GPC3: variants seen among roughly 807,000 people sequenced by gnomAD.
GPC3 encodes the protein glypican-3.
In GPC3, 3 loss-of-function variants were observed where a neutral mutation model predicts 34.4. The observed-to-expected ratio is 0.09, with a 90% CI of 0.04 to 0.23. The LOEUF is 0.23. Among genes scored for constraint, GPC3 ranks in the 10% least tolerant of loss-of-function variants. The pLI is 1.00. For missense variants in GPC3, 351 were observed against 445.6 expected (o/e 0.79, Z 1.91); for synonymous variants, 177 against 174.0 (o/e 1.02, Z -0.13).
At chrX:133,742,978 A>AC (rs771672255) in intron 3 of GPC3, among the ~76,000 whole-genome samples, 21 of 111,775 alleles carry the variant, frequency 1.9e-4, no homozygotes, top group African/African-American at 5.8e-4. Flanking sequence ...CCCTCCCCTC[A>AC]CCCCCCGTAT....
intron 2 of GPC3, among the ~76,000 whole-genome samples, chrX:133,757,138 A>G (rs2071733325): frequency 8.9e-6 from 1 of 112,501 alleles, no homozygotes; most frequent in South Asian, 3.7e-4. Flanking sequence ...CAGAGCTATC[A>G]TGAACATTTT....
At chrX:133,729,090 G>A (rs1458330827) in intron 3 of GPC3, among the ~76,000 whole-genome samples, 4 of 110,940 alleles carry the variant, frequency 3.6e-5, no homozygotes, top group Non-Finnish European at 7.5e-5. Flanking sequence ...TCCAGTGTGG[G>A]AGGCCTGACT....
At chrX:133,593,580 G>A (rs6638111) in intron 7 of GPC3, among the ~76,000 whole-genome samples, 1 of 109,781 alleles carries the variant, frequency 9.1e-6, no homozygotes, top group African/African-American at 3.3e-5. Flanking sequence ...AAGGCATGAA[G>A]ACAGCTGAGC....
chrX:133,838,012 A>C (rs2075807446), intron 2 of GPC3, among the ~76,000 whole-genome samples: 1 of 112,182 alleles, frequency 8.9e-6, no homozygotes, highest in African/African-American at 3.2e-5. Context: ...TGTTACTTCC[A>C]CTCCAAAAAA....
intron 2 of GPC3, among the ~76,000 whole-genome samples, chrX:133,899,505 G>A (rs972357921): frequency 4.5e-5 from 5 of 111,591 alleles, no homozygotes; most frequent in Non-Finnish European, 9.4e-5. Flanking sequence ...TGGTCAAAGC[G>A]TCTCTTCCTC....
At chrX:133,841,236 T>TTTTTTTTTTTTTTTTTTTC in intron 2 of GPC3, among the ~76,000 whole-genome samples, 1 of 89,970 alleles carries the variant, frequency 1.1e-5, no homozygotes, top group Non-Finnish European at 2.2e-5. Context: ...TTTTTTTTTT[T>TTTTTTTTTTTTTTTTTTTC]TTGGTAGAGA....
chrX:133,812,382 T>G (rs760073024), intron 2 of GPC3, among the ~76,000 whole-genome samples: 1 of 112,127 alleles, frequency 8.9e-6, no homozygotes, highest in African/African-American at 3.2e-5. Flanking sequence ...GTCACTGCAG[T>G]TGATTCAGGC....
intron 3 of GPC3, among the ~76,000 whole-genome samples, chrX:133,713,891 T>C (rs939179374): frequency 1.8e-5 from 2 of 111,982 alleles, no homozygotes; most frequent in Admixed American, 9.5e-5. Flanking sequence ...AGTTTTGACG[T>C]TATATAATGA....
chrX:133,969,478 T>C (rs753308640), intron 1 of GPC3, among the ~76,000 whole-genome samples: 1 of 112,159 alleles, frequency 8.9e-6, no homozygotes, highest in African/African-American at 3.2e-5. Flanking sequence ...AAAAAAGTTT[T>C]CATTATTGTC....
chrX:133,743,950 G>A (rs2071587451), intron 3 of GPC3, among the ~76,000 whole-genome samples: 1 of 111,553 alleles, frequency 9.0e-6, no homozygotes, highest in South Asian at 3.8e-4. Flanking sequence ...TCGGAAAACT[G>A]GCTAGCCATA....
rs776365591 is a variant in GPC3, at chrX:133,729,294, C to A, written c.1032+24188G>T. On this transcript the variant is annotated intron_variant, in intron 3 of 7. Coordinates refer to ENST00000370818, the MANE Select transcript of GPC3 (RefSeq NM_004484.4). ...GGAGTAAAAAGGACCCTATTCCCTCCATTATTCCTCAGTCTCCACCCAAGC... is the reference window on the plus strand; with the variant it reads ...GGAGTAAAAAGGACCCTATTCCCTCAATTATTCCTCAGTCTCCACCCAAGC... Among the ~76,000 whole-genome samples, 6 of 111,567 alleles carry A rather than the reference C, an allele frequency of 5.4e-5. No homozygotes were observed. In the South Asian group the frequency reaches 2.3e-3, roughly 43 times the overall value.
At chrX:133,620,579 C>G (rs1029286042) in intron 6 of GPC3, among the ~76,000 whole-genome samples, 5 of 111,220 alleles carry the variant, frequency 4.5e-5, no homozygotes, top group African/African-American at 1.6e-4. Flanking sequence ...CCAAAGTTAA[C>G]CTGGAAAAAC....
At chrX:133,772,884 G>A (rs1389902696) in intron 2 of GPC3, among the ~76,000 whole-genome samples, 1 of 110,997 alleles carries the variant, frequency 9.0e-6, no homozygotes, top group Non-Finnish European at 1.9e-5. Flanking sequence ...CACACAACAA[G>A]TAAGTGGTGC....
chrX:133,629,341 C>T (rs371450461), intron 6 of GPC3, among the ~76,000 whole-genome samples: 1 of 111,719 alleles, frequency 9.0e-6, no homozygotes, highest in African/African-American at 3.3e-5. Context: ...AGGAGTTGGA[C>T]TACATGAGCT....
chrX:133,823,636 A>G (rs1325027896), intron 2 of GPC3, among the ~76,000 whole-genome samples: 3 of 111,543 alleles, frequency 2.7e-5, no homozygotes, highest in Non-Finnish European at 5.6e-5. Flanking sequence ...AGGGGGATGG[A>G]AAGGGGACTT....
intron 6 of GPC3, among the ~76,000 whole-genome samples, chrX:133,619,145 C>T (rs1475148547): frequency 8.9e-6 from 1 of 112,173 alleles, no homozygotes; most frequent in African/African-American, 3.2e-5. Flanking sequence ...TATTTCACAA[C>T]CACTTAGATG....
chrX:133,859,390 T>C (rs2075924606), intron 2 of GPC3, among the ~76,000 whole-genome samples: 1 of 111,100 alleles, frequency 9.0e-6, no homozygotes, highest in South Asian at 3.8e-4. Flanking sequence ...AATTCCAGAC[T>C]AAAATTCCCA....
intron 6 of GPC3, among the ~76,000 whole-genome samples, chrX:133,631,533 A>G (rs2070366254): frequency 8.9e-6 from 1 of 111,909 alleles, no homozygotes; most frequent in African/African-American, 3.2e-5. Flanking sequence ...TTATGCCAAT[A>G]ACTTTTGGCT....
intron 2 of GPC3, among the ~76,000 whole-genome samples, chrX:133,951,279 T>C (rs1023501108): frequency 9.1e-6 from 1 of 110,199 alleles, no homozygotes; most frequent in Non-Finnish European, 1.9e-5. Flanking sequence ...TTTTTGCAGA[T>C]CTAGAAAACA....
Sources: allele counts gnomAD v4.1 joint callset (sites outside exome capture counted in the v4.1 genomes callset), GRCh38; gene constraint gnomAD v4.1.1; transcripts MANE v1.5; gene names NCBI Gene and HGNC (gene_info 2026-07-23, HGNC 2026-07-21).